Variants in TEX29 observed in about 807,000 individuals in gnomAD.
The protein encoded by TEX29 is testis expressed 29, also known as testis-expressed protein 29.
Under a neutral mutation model 18.2 loss-of-function variants are expected in TEX29, and 26 were observed. The observed-to-expected ratio is 1.43, with a 90% confidence interval of 1.04 to 1.98. The LOEUF is 1.98. Among genes scored for constraint, TEX29 ranks in the 30% most tolerant of loss-of-function variants. The pLI is 0.00. For synonymous variants in TEX29, 83 were observed against 78.5 expected (o/e 1.06, Z -0.31); for missense variants, 177 against 194.2 (o/e 0.91, Z 0.53).
In TEX29 at chr13:111,326,260, C is replaced by T. The variant is rs868436644; in HGVS notation, c.59-1923C>T. ...GAGACTGCGGGCAACGCGAGCCTGG[C>T]GCTGGTGGGTGTCTGGTGGGGTGGA... On this transcript the variant is annotated intron_variant, in intron 2 of 5. Coordinates refer to ENST00000283547, the MANE Select transcript of TEX29 (RefSeq NM_152324.3). Among the ~76,000 whole-genome samples the T allele has an allele frequency of 1.1e-3, 119 of 108,460 alleles. 2 individuals carry two copies. The highest frequency in any genetic ancestry group is 5.6e-3 in the Middle Eastern group (1 of 178). The allele number at this position is 108,460 out of a possible 152,430, so 71.2% of individuals were successfully genotyped here. A position where few individuals can be genotyped will look rare whatever the true frequency, so the allele number is the denominator to read the frequency against.
intron 3 of TEX29, among the ~76,000 whole-genome samples, chr13:111,337,575 T>C (rs2093691247): frequency 6.6e-6 from 1 of 152,028 alleles, no homozygotes; most frequent in Admixed American, 6.6e-5. Context: ...ATCAGCGTTG[T>C]TCAGTGTGGG....
intron 3 of TEX29, chr13:111,339,389 C>A (rs1033428739): frequency 4.4e-6 from 2 of 454,732 alleles, no homozygotes; most frequent in Admixed American, 4.7e-5. Flanking sequence ...TCTCCACGCA[C>A]CCCCAGGGGT....
chr13:111,316,646 C>T (rs902112266), upstream of TEX29, among the ~76,000 whole-genome samples: 8 of 152,364 alleles, frequency 5.3e-5, no homozygotes, highest in East Asian at 5.8e-4. Context: ...TGCTGCCGCA[C>T]ACACAGAATC....
chr13:111,330,168 T>C (rs1595688498), intron 3 of TEX29, among the ~76,000 whole-genome samples: 2 of 152,298 alleles, frequency 1.3e-5, no homozygotes, highest in Admixed American at 1.3e-4. Context: ...GGCTACACTG[T>C]TTGATTACGT....
chr13:111,339,587 G>A (rs990368733), intron 3 of TEX29: 21 of 546,340 alleles, frequency 3.8e-5, no homozygotes, highest in African/African-American at 2.9e-4. Context: ...ATGCACTCCC[G>A]GGGGTCAGGG....
At chr13:111,323,595 G>A (rs1387894868) in intron 2 of TEX29, among the ~76,000 whole-genome samples, 2 of 152,204 alleles carry the variant, frequency 1.3e-5, no homozygotes, top group Non-Finnish European at 2.9e-5. Flanking sequence ...AGGCTCGGGG[G>A]TCTGTGGACA....
chr13:111,325,348 G>A (rs778213647), intron 2 of TEX29, among the ~76,000 whole-genome samples: 1 of 152,246 alleles, frequency 6.6e-6, no homozygotes, highest in Non-Finnish European at 1.5e-5. Context: ...CTGTGGTGTG[G>A]GGGGTGTGGA....
chr13:111,325,587 G>A (rs2093671516), intron 2 of TEX29, among the ~76,000 whole-genome samples: 1 of 152,190 alleles, frequency 6.6e-6, no homozygotes, highest in African/African-American at 2.4e-5. Flanking sequence ...TTGTGGAGGA[G>A]GGTGGAGGGC....
intron 3 of TEX29, among the ~76,000 whole-genome samples, chr13:111,337,706 A>C (rs34785378): frequency 0.092 from 14,009 of 152,092 alleles, 867 homozygotes; most frequent in Middle Eastern, 0.19. Flanking sequence ...TCCTCAGGTA[A>C]GCAAGTTTCC....
intron 2 of TEX29, among the ~76,000 whole-genome samples, chr13:111,326,087 C>T (rs757856924): frequency 1.3e-5 from 2 of 152,108 alleles, no homozygotes; most frequent in Non-Finnish European, 2.9e-5. Context: ...ATCCCGGCTC[C>T]GCTGCGTCCA....
intron 3 of TEX29, among the ~76,000 whole-genome samples, chr13:111,335,331 G>A (rs1352223527): frequency 6.6e-6 from 1 of 152,192 alleles, no homozygotes; most frequent in Non-Finnish European, 1.5e-5. Flanking sequence ...CCTTTAGCCA[G>A]AATCTTACTT....
intron 2 of TEX29, among the ~76,000 whole-genome samples, chr13:111,324,794 GC>G (rs2093670105): frequency 6.6e-6 from 1 of 152,216 alleles, no homozygotes; most frequent in Non-Finnish European, 1.5e-5. Flanking sequence ...TAGGCACCAT[GC>G]CCCTCCTGAA....
At chr13:111,331,316 ATTTTTTT>A (rs56208500) in intron 3 of TEX29, among the ~76,000 whole-genome samples, 3 of 131,038 alleles carry the variant, frequency 2.3e-5, no homozygotes, top group Non-Finnish European at 3.2e-5. Context: ...CCATTGTTGC[ATTTTTTT>A]TTTTTTTTTT....
intron 2 of TEX29, among the ~76,000 whole-genome samples, chr13:111,324,796 C>T (rs1415016257): frequency 2.6e-5 from 4 of 152,190 alleles, no homozygotes; most frequent in Admixed American, 1.3e-4. Context: ...GGCACCATGC[C>T]CCTCCTGAAC....
Position 111,343,583 on chromosome 13 carries a change from G to A in TEX29, c.416-500G>A, listed in dbSNP as rs117196404. On this transcript the variant is annotated intron_variant, in intron 5 of 5. Coordinates refer to ENST00000283547, the MANE Select transcript of TEX29 (RefSeq NM_152324.3). ...GCTTTGGGGGCCCTTGGAGGTTGCC[G>A]GTTGCTTTTCCTAGATCAGCACCTT... 8.8e-3 allele frequency among the ~76,000 whole-genome samples: 1,345 copies of A among 152,306 alleles called. 14 individuals are homozygous for A. The highest frequency in any genetic ancestry group is 0.014 in the Admixed American group (210 of 15,296).
intron 2 of TEX29, among the ~76,000 whole-genome samples, chr13:111,322,736 G>C (rs1209777791): frequency 6.6e-6 from 1 of 152,246 alleles, no homozygotes; most frequent in African/African-American, 2.4e-5. Context: ...CGCATGCAGG[G>C]GCGTCAGCAT....
At chr13:111,321,050 G>A in intron 2 of TEX29, 102 bp downstream of exon 2, 2 of 1,352,570 alleles carry the variant, frequency 1.5e-6, no homozygotes, top group Non-Finnish European at 2.0e-6. Context: ...AGGGGGTCCT[G>A]GTCCCAGACC....
intron 3 of TEX29, among the ~76,000 whole-genome samples, chr13:111,328,887 C>T (rs2093678467): frequency 6.6e-6 from 1 of 152,216 alleles, no homozygotes; most frequent in Admixed American, 6.5e-5. Flanking sequence ...TGCCACTCCC[C>T]ATCCCCGTGA....
At chr13:111,319,157 A>G (rs1201059789), upstream of TEX29, among the ~76,000 whole-genome samples, 1 of 152,162 alleles carries the variant, frequency 6.6e-6, no homozygotes, top group Non-Finnish European at 1.5e-5. Context: ...TGACTTGTGC[A>G]TTTTGGGAGG....
Sources: gnomAD v4.1 joint callset for allele counts (sites outside exome capture counted in the v4.1 genomes callset) on GRCh38, gnomAD v4.1.1 for gene constraint, MANE v1.5 for transcripts, NCBI Gene and HGNC (gene_info 2026-07-23, HGNC 2026-07-21) for gene names.